PLCB1: variants seen among roughly 807,000 people sequenced by gnomAD.
PLCB1 encodes the protein 1-phosphatidylinositol 4,5-bisphosphate phosphodiesterase beta-1.
PLCB1 carries 46 observed loss-of-function variants against 161.8 expected under a neutral mutation model. The ratio of observed to expected loss-of-function variants is 0.28; its 90% CI spans 0.22 to 0.36. PLCB1 has a LOEUF of 0.36. Among genes scored for constraint, PLCB1 ranks in the 10% least tolerant of loss-of-function variants. The pLI, the probability that PLCB1 is intolerant of heterozygous loss-of-function variation, is 1.00. For synonymous variants in PLCB1, 517 were observed against 503.7 expected, an observed-to-expected ratio of 1.03 and a Z score of -0.35; for missense variants, 1,016 against 1,472.5, an observed-to-expected ratio of 0.69 and a Z score of 5.07.
chr20:8,442,772 A>G (rs1473595438), intron 3 of PLCB1, among the ~76,000 whole-genome samples: 1 of 152,262 alleles, frequency 6.6e-6, no homozygotes, highest in African/African-American at 2.4e-5. Flanking sequence ...GTACCTTGCC[A>G]TGACATTGAA....
At chr20:8,523,496 C>CTCTCTCTCTCTCTCTCTATATATATA in intron 3 of PLCB1, among the ~76,000 whole-genome samples, 14 of 51,648 alleles carry the variant, frequency 2.7e-4, no homozygotes, top group Admixed American at 1.4e-3. Context: ...CTCTCTCTCT[C>CTCTCTCTCTCTCTCTCTATATATATA]TATATATATA....
At chr20:8,631,292 G>A (rs976984628) in intron 4 of PLCB1, among the ~76,000 whole-genome samples, 4 of 152,166 alleles carry the variant, frequency 2.6e-5, no homozygotes, top group African/African-American at 9.7e-5. Context: ...AGAGAAGCTT[G>A]GGCACAGTGT....
intron 3 of PLCB1, among the ~76,000 whole-genome samples, chr20:8,388,970 T>A (rs1429584923): frequency 1.3e-5 from 2 of 152,152 alleles, no homozygotes. Flanking sequence ...AAGGAATGGT[T>A]CCCTTGGCAG....
At chr20:8,518,963 G>C (rs1984244842) in intron 3 of PLCB1, among the ~76,000 whole-genome samples, 1 of 152,022 alleles carries the variant, frequency 6.6e-6, no homozygotes, top group Non-Finnish European at 1.5e-5. Flanking sequence ...GCTCCTATAA[G>C]AATCTAATGC....
In PLCB1 at chr20:8,488,495, G is replaced by A. The variant is rs531363159; in HGVS notation, c.246+117045G>A. Among the ~76,000 whole-genome samples, 17 of 152,162 alleles carry A rather than the reference G, an allele frequency of 1.1e-4. No individual in the cohort carries two copies. In the East Asian group the frequency reaches 1.5e-3, roughly 14 times the overall value. ...TCTGGGAAACCCAGCTAACAATATC[G>A]AATATGGAAACATCAAACCCCTGAA... On this transcript the variant is annotated intron_variant, in intron 3 of 31. Transcript: ENST00000338037.
intron 2 of PLCB1, among the ~76,000 whole-genome samples, chr20:8,286,080 T>G (rs1983105994): frequency 6.6e-6 from 1 of 152,198 alleles, no homozygotes; most frequent in African/African-American, 2.4e-5. Flanking sequence ...ATCCCAGCAC[T>G]TTGGGAGGCC....
intron 3 of PLCB1, among the ~76,000 whole-genome samples, chr20:8,516,688 T>C (rs1353524459): frequency 7.5e-6 from 1 of 134,106 alleles, no homozygotes. Flanking sequence ...TATATATATA[T>C]ATATATATAT....
At chr20:8,470,550 T>C (rs1026990326) in intron 3 of PLCB1, among the ~76,000 whole-genome samples, 4 of 152,094 alleles carry the variant, frequency 2.6e-5, no homozygotes, top group African/African-American at 9.7e-5. Flanking sequence ...CTTTGTTTTC[T>C]TTTTCCATCC....
At chr20:8,769,751 G>T (rs1030087080) in intron 26 of PLCB1, among the ~76,000 whole-genome samples, 1 of 152,080 alleles carries the variant, frequency 6.6e-6, no homozygotes, top group African/African-American at 2.4e-5. Context: ...ATGTAAGTAT[G>T]TAAGTGACCT....
chr20:8,553,236 C>T (rs1462053178), intron 3 of PLCB1, among the ~76,000 whole-genome samples: 1 of 152,110 alleles, frequency 6.6e-6, no homozygotes, highest in Non-Finnish European at 1.5e-5. Flanking sequence ...TGTGAAAAGG[C>T]AATTTCAGGG....
chr20:8,720,738 T>A (rs6056037), intron 14 of PLCB1, among the ~76,000 whole-genome samples: 2 of 151,802 alleles, frequency 1.3e-5, no homozygotes, highest in African/African-American at 4.8e-5. Flanking sequence ...AAGAATGACC[T>A]GATTGGCTAT....
chr20:8,135,170 C>G (rs1403387921), intron 1 of PLCB1, among the ~76,000 whole-genome samples: 1 of 152,182 alleles, frequency 6.6e-6, no homozygotes, highest in Non-Finnish European at 1.5e-5. Flanking sequence ...CTGAGTTTAC[C>G]TCCTAGTTCT....
At chr20:8,565,782 T>G (rs1986313704) in intron 3 of PLCB1, among the ~76,000 whole-genome samples, 1 of 152,096 alleles carries the variant, frequency 6.6e-6, no homozygotes, top group Non-Finnish European at 1.5e-5. Flanking sequence ...ACCTGTGTTT[T>G]GTCCTCAGTC....
chr20:8,841,813 G>A (rs561263394), intron 31 of PLCB1, among the ~76,000 whole-genome samples: 6 of 152,280 alleles, frequency 3.9e-5, no homozygotes, highest in East Asian at 3.9e-4. Context: ...GACTCTGAGC[G>A]CATATCCTTG....
At chr20:8,776,839 T>C (rs971857597) in intron 27 of PLCB1, among the ~76,000 whole-genome samples, 2 of 152,098 alleles carry the variant, frequency 1.3e-5, no homozygotes, top group African/African-American at 2.4e-5. Context: ...TGTTAGGTAG[T>C]AATAAGGGCT....
intron 31 of PLCB1, among the ~76,000 whole-genome samples, chr20:8,824,857 AAGGG>A (rs1232506771): frequency 1.3e-5 from 2 of 152,200 alleles, no homozygotes; most frequent in African/African-American, 2.4e-5. Context: ...AACTTGGAGT[AAGGG>A]AGGAAAAATT....
At chr20:8,667,205 A>G (rs989340973) in intron 9 of PLCB1, among the ~76,000 whole-genome samples, 36 of 152,206 alleles carry the variant, frequency 2.4e-4, no homozygotes, top group Non-Finnish European at 2.9e-5. Flanking sequence ...TTAAGTTACT[A>G]CACTGAAAAA....
At chr20:8,165,187 A>T (rs187413508) in intron 2 of PLCB1, among the ~76,000 whole-genome samples, 1 of 152,220 alleles carries the variant, frequency 6.6e-6, no homozygotes, top group Non-Finnish European at 1.5e-5. Flanking sequence ...CTTGAGAAAC[A>T]TGGGGAAAAT....
chr20:8,818,511 G>T (rs187197150), intron 31 of PLCB1, among the ~76,000 whole-genome samples: 14 of 152,294 alleles, frequency 9.2e-5, no homozygotes, highest in African/African-American at 3.4e-4. Flanking sequence ...ATTTGCAAAT[G>T]ATGTGAATAA....
Sources: gnomAD v4.1 joint callset for allele counts (sites outside exome capture counted in the v4.1 genomes callset) on GRCh38, gnomAD v4.1.1 for gene constraint, MANE v1.5 for transcripts, NCBI Gene and HGNC (gene_info 2026-07-23, HGNC 2026-07-21) for gene names.